Variants in SERGEF observed in about 807,000 individuals in gnomAD.
The protein encoded by SERGEF is secretion-regulating guanine nucleotide exchange factor.
Under a neutral mutation model 50.0 loss-of-function variants are expected in SERGEF, and 51 were observed. The ratio of observed to expected loss-of-function variants is 1.02; its 90% CI spans 0.81 to 1.29. The LOEUF is 1.29. SERGEF is among the 50% of genes most tolerant of loss of function. SERGEF has a pLI of 0.00. For synonymous variants in SERGEF, 205 were observed against 212.4 expected, an observed-to-expected ratio of 0.97 and a Z score of 0.30; for missense variants, 521 against 557.0, an observed-to-expected ratio of 0.94 and a Z score of 0.65.
Position 17,884,568 on chromosome 11 carries a change from G to A in SERGEF, c.1012-6324C>T, listed in dbSNP as rs1218601233. Reference sequence around the variant, plus strand: ...CACTGCAATCCAGTGAGCCACCAGAGTTCCACCTCTAAGCTCAGAAATGGT... The same window carrying A: ...CACTGCAATCCAGTGAGCCACCAGAATTCCACCTCTAAGCTCAGAAATGGT... On this transcript the variant is annotated intron_variant, in intron 9 of 10. Coordinates refer to ENST00000265965, the MANE Select transcript of SERGEF (RefSeq NM_012139.4). The surrounding 1 kb of genome is among the most constrained non-coding windows in gnomAD (Gnocchi z 4.6). Among the ~76,000 whole-genome samples the A allele has an allele frequency of 6.6e-6, 1 of 152,144 alleles. No individual in the cohort carries two copies. Among genetic ancestry groups the A allele is most frequent in the Admixed American group, 6.5e-5 (1 of 15,280 alleles).
chr11:17,789,760 T>C (rs1240124936), intron 10 of SERGEF, among the ~76,000 whole-genome samples: 2 of 152,258 alleles, frequency 1.3e-5, no homozygotes, highest in African/African-American at 4.8e-5. Context: ...TTTGTATATA[T>C]GTTTGTCCTG....
At chr11:18,006,805 G>A in intron 2 of SERGEF, 59 bp from the exon 3 acceptor site, 4 of 1,560,512 alleles carry the variant, frequency 2.6e-6, no homozygotes, top group Admixed American at 1.9e-5. Context: ...ACTGCAAAAT[G>A]AACAAAAAGA....
intron 9 of SERGEF, among the ~76,000 whole-genome samples, chr11:17,946,698 C>T (rs985645137): frequency 5.3e-5 from 8 of 152,180 alleles, no homozygotes; most frequent in South Asian, 2.1e-4. Context: ...ACCATTTGCA[C>T]GCCTCTGTGT....
At chr11:17,860,508 T>C (rs972415497) in intron 10 of SERGEF, among the ~76,000 whole-genome samples, 4 of 152,140 alleles carry the variant, frequency 2.6e-5, no homozygotes, top group African/African-American at 4.8e-5. Context: ...AATATAGAGA[T>C]AGACACCCCA....
At chr11:17,819,090 C>G (rs562758063) in intron 10 of SERGEF, among the ~76,000 whole-genome samples, 1 of 152,338 alleles carries the variant, frequency 6.6e-6, no homozygotes, top group East Asian at 1.9e-4. Flanking sequence ...CTCTATCTTC[C>G]ATGGTACGCC....
intron 9 of SERGEF, among the ~76,000 whole-genome samples, chr11:17,955,349 C>A (rs1852844656): frequency 6.6e-6 from 1 of 152,182 alleles, no homozygotes; most frequent in Non-Finnish European, 1.5e-5. Flanking sequence ...ATTTTTCATC[C>A]TTGTATCCAC....
chr11:17,986,722 G>T (rs1488979641), intron 8 of SERGEF, among the ~76,000 whole-genome samples: 2 of 152,272 alleles, frequency 1.3e-5, no homozygotes, highest in African/African-American at 4.8e-5. Context: ...GGTAGTAAGT[G>T]TATTTTAATG....
At chr11:17,837,753 C>T (rs1850427910) in intron 10 of SERGEF, among the ~76,000 whole-genome samples, 2 of 151,224 alleles carry the variant, frequency 1.3e-5, no homozygotes, top group Admixed American at 1.3e-4. Context: ...CTCTGCTTCC[C>T]GGGTTCAAGC....
intron 10 of SERGEF, among the ~76,000 whole-genome samples, chr11:17,806,265 G>A (rs746143776): frequency 6.6e-6 from 1 of 152,220 alleles, no homozygotes; most frequent in Non-Finnish European, 1.5e-5. Context: ...GGTACCTTAT[G>A]TATGCAAGGA....
intron 10 of SERGEF, among the ~76,000 whole-genome samples, chr11:17,858,103 G>C (rs1185587841): frequency 6.6e-6 from 1 of 152,208 alleles, no homozygotes; most frequent in Non-Finnish European, 1.5e-5. Context: ...GGACTGAGAA[G>C]CACCAAGTGT....
chr11:17,932,528 C>G (rs943146290), intron 9 of SERGEF, among the ~76,000 whole-genome samples: 1 of 152,030 alleles, frequency 6.6e-6, no homozygotes, highest in African/African-American at 2.4e-5. Flanking sequence ...GAGAAAGAGA[C>G]TGCTTAGAGT....
chr11:17,910,758 A>G (rs1851936753), intron 9 of SERGEF, among the ~76,000 whole-genome samples: 1 of 151,450 alleles, frequency 6.6e-6, no homozygotes, highest in South Asian at 2.1e-4. Flanking sequence ...TCCAATGTAG[A>G]TGAAGAAGAA....
At chr11:17,968,685 C>A (rs1273737967) in intron 8 of SERGEF, among the ~76,000 whole-genome samples, 4 of 143,688 alleles carry the variant, frequency 2.8e-5, no homozygotes, top group Non-Finnish European at 3.0e-5. Flanking sequence ...GCCTGAGTGA[C>A]AGAACAAGAA....
At chr11:17,911,076 G>A (rs140129356) in intron 9 of SERGEF, among the ~76,000 whole-genome samples, 2 of 152,252 alleles carry the variant, frequency 1.3e-5, no homozygotes, top group African/African-American at 4.8e-5. Flanking sequence ...GGGCACATGA[G>A]ATGAATAAGA....
At chr11:17,835,351 C>T (rs1850380692) in intron 10 of SERGEF, among the ~76,000 whole-genome samples, 1 of 152,190 alleles carries the variant, frequency 6.6e-6, no homozygotes, top group African/African-American at 2.4e-5. Flanking sequence ...CCACAGAGCA[C>T]ATCCTCATAG....
chr11:17,911,819 T>C (rs1452366549), intron 9 of SERGEF, among the ~76,000 whole-genome samples: 1 of 152,160 alleles, frequency 6.6e-6, no homozygotes, highest in Non-Finnish European at 1.5e-5. Flanking sequence ...ACAATCAAGA[T>C]GATGAGCATA....
intron 10 of SERGEF, among the ~76,000 whole-genome samples, chr11:17,803,177 T>C (rs1188368385): frequency 2.6e-5 from 4 of 152,236 alleles, no homozygotes; most frequent in Admixed American, 2.6e-4. Flanking sequence ...GGGTAGCCCA[T>C]GCTAAAGGCA....
chr11:17,956,550 T>C (rs1051821081), intron 9 of SERGEF, among the ~76,000 whole-genome samples: 8 of 152,274 alleles, frequency 5.3e-5, no homozygotes, highest in Admixed American at 4.6e-4. Flanking sequence ...CTAAATAACT[T>C]TGTGTTTCTT....
chr11:17,904,674 C>T (rs1049858922), intron 9 of SERGEF, among the ~76,000 whole-genome samples: 2 of 152,136 alleles, frequency 1.3e-5, no homozygotes, highest in African/African-American at 4.8e-5. Flanking sequence ...TTCTTCTTTC[C>T]TTCTCCCTCT....
Sources: gnomAD v4.1 joint callset for allele counts (sites outside exome capture counted in the v4.1 genomes callset) on GRCh38, gnomAD v4.1.1 for gene constraint, Gnocchi (gnomAD v3.1) non-coding constraint, MANE v1.5 for transcripts, NCBI Gene and HGNC (gene_info 2026-07-23, HGNC 2026-07-21) for gene names.